Variants in FIGNL2 observed in about 807,000 individuals in gnomAD.
The protein encoded by FIGNL2 is fidgetin like 2.
For missense variants in FIGNL2, 1,060 were observed against 950.2 expected (o/e 1.12, Z -1.52); for synonymous variants, 565 against 484.0 (o/e 1.17, Z -2.20).
chr12:51,835,391 C>G (rs993873969), intron 1 of FIGNL2: 2 of 152,252 alleles, frequency 1.3e-5, no homozygotes, highest in African/African-American at 4.8e-5. Flanking sequence ...CCGCATTCCC[C>G]TTCGAGGCAG....
rs1939098918 is a variant in FIGNL2, at chr12:51,818,617, ATCC to A, written c.*1832_*1834del. ...CCCTGGGTGCCAGGGCCCCTGAAAG[ATCC>A]CCCCCAGACACCCTCCCAGCCAGGG... On this transcript the variant is annotated 3_prime_UTR_variant, in exon 2 of 2. Transcript: ENST00000618634. 7 of 152,224 alleles carry A rather than the reference ATCC, an allele frequency of 4.6e-5. No homozygotes were observed. The highest frequency in any genetic ancestry group is 1.5e-4 in the African/African-American group (6 of 41,228). 9.4% of individuals were successfully genotyped at this position (152,224 alleles called of 1,614,324 possible). A position where few individuals can be genotyped will look rare whatever the true frequency, so the allele number is the denominator to read the frequency against.
chr12:51,840,746 A>G (rs542024655), intron 1 of FIGNL2, among the ~76,000 whole-genome samples: 4 of 152,314 alleles, frequency 2.6e-5, no homozygotes, highest in African/African-American at 7.2e-5. Flanking sequence ...AACAAAAACA[A>G]AAACATTGGA....
rs535167980 is a variant in FIGNL2 at position 51,829,859 on chromosome 12, A to C, written c.-11-7435T>G. ...AGAGGGAGGAGAAGAAAGGAAAAAA[A>C]GGAATGAAAGAGAATGGGAAGGAGG... On this transcript the variant is annotated intron_variant, in intron 1 of 1. Coordinates refer to ENST00000618634, the MANE Select transcript of FIGNL2 (RefSeq NM_001384995.1). Among the ~76,000 whole-genome samples, 5 of 152,248 alleles carry C rather than the reference A, an allele frequency of 3.3e-5. No individual in the cohort carries two copies. In the South Asian group the frequency reaches 1.0e-3, roughly 32 times the overall value.
chr12:51,830,370 T>C (rs2919761), intron 1 of FIGNL2, among the ~76,000 whole-genome samples: 63,272 of 151,868 alleles, frequency 0.42, 15,100 homozygotes, highest in Non-Finnish European at 0.55. Flanking sequence ...AGGGAATGCA[T>C]ATGTTAATTA....
intron 1 of FIGNL2, among the ~76,000 whole-genome samples, chr12:51,835,753 T>C (rs896331056): frequency 1.3e-5 from 2 of 151,918 alleles, no homozygotes; most frequent in Admixed American, 6.6e-5. Flanking sequence ...TGAACTTCTA[T>C]GGAGTCTCGC....
intron 1 of FIGNL2, among the ~76,000 whole-genome samples, chr12:51,832,534 C>G (rs923701715): frequency 1.3e-5 from 2 of 152,124 alleles, no homozygotes; most frequent in South Asian, 4.1e-4. Context: ...GGGACCTGCG[C>G]TCTCCTGGCC....
chr12:51,847,942 T>C (rs1939787561), intron 1 of FIGNL2: 1 of 771,054 alleles, frequency 1.3e-6, no homozygotes, highest in South Asian at 5.9e-5. Flanking sequence ...AGACGCGGGC[T>C]CTGTTCTCCC....
rs1939163133 is a variant in FIGNL2 at position 51,820,937 on chromosome 12, G to C, written c.1477C>G (p.Leu493Val). 7.6e-7 allele frequency: 1 copy of C among 1,307,676 alleles called. No individual in the cohort carries two copies. Among genetic ancestry groups the C allele is most frequent in the Non-Finnish European group, 9.6e-7 (1 of 1,036,456 alleles). 81.0% of individuals were successfully genotyped at this position (1,307,676 alleles called of 1,614,324 possible). A position where few individuals can be genotyped will look rare whatever the true frequency, so the allele number is the denominator to read the frequency against. The change falls in exon 2 of 2, where the codon CTA becomes GTA. Residue 493 changes from leucine (L) to valine (V), a missense_variant. Leu to Val is a conservative substitution (Grantham distance 32). Coordinates refer to ENST00000618634, the MANE Select transcript of FIGNL2 (RefSeq NM_001384995.1). ...RPPSVLLISELEALLPARDDG... is the reference protein window; with the variant it reads ...RPPSVLLISEVEALLPARDDG... ...TCCCGGGCGGGGAGCAGCGCCTCTA[G>C]CTCGCTGATGAGGAGTACGGAGGGT...
Position 51,821,093 on chromosome 12 carries a change from G to A in FIGNL2, c.1321C>T (p.Leu441=). 3.7e-6 allele frequency: 5 copies of A among 1,361,882 alleles called. No individual in the cohort carries two copies. The highest frequency in any genetic ancestry group is 4.7e-6 in the Non-Finnish European group (5 of 1,067,260). 84.4% of individuals were successfully genotyped at this position (1,361,882 alleles called of 1,614,324 possible). A position where few individuals can be genotyped will look rare whatever the true frequency, so the allele number is the denominator to read the frequency against. The change falls in exon 2 of 2, where the codon CTG becomes TTG. Residue 441 remains leucine (L), a synonymous_variant. Transcript: ENST00000618634. ...AGCTGCGTGGCGAGGCAGCGGCCCA[G>A]CAGCGCTTTGCCCGCGCCCCGCGGC... ...FGPRGAGKAL[L]GRCLATQLGA...
At chr12:51,823,635 A>G (rs1165796620) in intron 1 of FIGNL2, 1 of 152,224 alleles carries the variant, frequency 6.6e-6, no homozygotes, top group Admixed American at 6.5e-5. Flanking sequence ...GGCCAGCCTG[A>G]TAAAATATCT....
chr12:51,828,371 C>G (rs1021477579), intron 1 of FIGNL2: 1 of 152,170 alleles, frequency 6.6e-6, no homozygotes, highest in African/African-American at 2.4e-5. Flanking sequence ...TGCGGCAGCT[C>G]TTTCTCTGCA....
At position 51,821,278 on chromosome 12, in the gene FIGNL2, G is replaced by A; in HGVS notation, c.1136C>T (p.Thr379Met). 6.6e-7 allele frequency: 1 copy of A among 1,524,380 alleles called. No individual in the cohort carries two copies. The highest frequency in any genetic ancestry group is 8.8e-7 in the Non-Finnish European group (1 of 1,141,680). The allele number at this position is 1,524,380 out of a possible 1,614,324, so 94.4% of individuals were successfully genotyped here. A position where few individuals can be genotyped will look rare whatever the true frequency, so the allele number is the denominator to read the frequency against. Residue 379 changes from threonine (T) to methionine (M), a missense_variant, in exon 2 of 2, where the codon ACG (threonine) becomes ATG (methionine). Coordinates refer to ENST00000618634, the MANE Select transcript of FIGNL2 (RefSeq NM_001384995.1). ...GVDPGALELV[T>M]SKMVDCGPPV... ...GGGCCCGCAGTCCACCATCTTGCTC[G>A]TCACCAGCTCCAGGGCCCCAGGGTC...
Position 51,822,332 on chromosome 12 carries a change from G to A in FIGNL2, c.82C>T (p.Pro28Ser). Residue 28 changes from proline (P) to serine (S), a missense_variant, in exon 2 of 2, where the codon CCG becomes TCG. Transcript: ENST00000618634. ...HLDVSSTTPS[P>S]AHKLELPPGG... is the part of the protein sequence containing the mutation. ...GGGGGCAACTCCAACTTGTGGGCCGGCGACGGGGTGGTGGAGGAGACGTCC... is the reference window on the plus strand; with the variant it reads ...GGGGGCAACTCCAACTTGTGGGCCGACGACGGGGTGGTGGAGGAGACGTCC... The A allele has an allele frequency of 1.2e-6, 2 of 1,613,374 alleles. No individual in the cohort carries two copies. The highest frequency in any genetic ancestry group is 8.5e-7 in the Non-Finnish European group (1 of 1,179,726).
chr12:51,822,465 C>T, intron 1 of FIGNL2, 41 bp from the exon 2 acceptor site: 1 of 1,605,188 alleles, frequency 6.2e-7, no homozygotes. Context: ...GTCTAGCCAC[C>T]GAGGACCCAG....
intron 1 of FIGNL2, among the ~76,000 whole-genome samples, chr12:51,846,557 T>C (rs1939754775): frequency 6.6e-6 from 1 of 152,118 alleles, no homozygotes. Context: ...GACGCCACAC[T>C]CAGTCTGGGT....
intron 1 of FIGNL2, chr12:51,838,115 CCACCA>C (rs957199916): frequency 3.9e-5 from 6 of 152,324 alleles, no homozygotes; most frequent in African/African-American, 1.4e-4. Flanking sequence ...TGGGAATTGC[CCACCA>C]CACCACACCC....
intron 1 of FIGNL2, chr12:51,823,311 G>A (rs602529): frequency 0.86 from 130,604 of 152,216 alleles, 56,240 homozygotes; most frequent in East Asian, 0.98. Flanking sequence ...GTGGACCACA[G>A]ATTTGTCTCT....
At chr12:51,838,732 C>A (rs1397965035) in intron 1 of FIGNL2, among the ~76,000 whole-genome samples, 1 of 152,280 alleles carries the variant, frequency 6.6e-6, no homozygotes, top group African/African-American at 2.4e-5. Context: ...GGCTCCAACT[C>A]GCTCCTAGAG....
chr12:51,844,832 A>T (rs1489621968), intron 1 of FIGNL2: 1 of 985,268 alleles, frequency 1.0e-6, no homozygotes, highest in Non-Finnish European at 1.2e-6. Flanking sequence ...TTCCCACTTA[A>T]AGGCTGGCCT....
Sources: allele counts gnomAD v4.1 joint callset (sites outside exome capture counted in the v4.1 genomes callset), GRCh38; gene constraint gnomAD v4.1.1; transcripts MANE v1.5; gene names NCBI Gene and HGNC (gene_info 2026-07-23, HGNC 2026-07-21).